Variants in TRPV4 observed in about 807,000 individuals in gnomAD.
TRPV4 encodes the protein OSM9-like transient receptor potential channel 4.
Under a neutral mutation model 84.1 loss-of-function variants are expected in TRPV4, and 58 were observed. The observed-to-expected ratio is 0.69, with a 90% CI of 0.56 to 0.86. The LOEUF (loss-of-function observed/expected upper bound fraction) is 0.86, where lower values mean the gene tolerates loss of function less well. TRPV4 is among the 40% of genes least tolerant of loss of function. The probability of loss-of-function intolerance (pLI) is 0.00; values close to 1 mark genes in which losing one functional copy is unlikely to be tolerated. For synonymous variants in TRPV4, 489 were observed against 500.9 expected (o/e 0.98, Z 0.32); for missense variants, 879 against 1,181.1 (o/e 0.74, Z 3.75).
intron 12 of TRPV4, 93 bp downstream of exon 12, chr12:109,792,266 GAACT>G: frequency 2.8e-6 from 1 of 352,396 alleles, no homozygotes; most frequent in Non-Finnish European, 4.9e-6. Flanking sequence ...AAAAAAAAAA[GAACT>G]CAGCAAGGCT....
chr12:109,830,932 C>T (rs770308742), intron 1 of TRPV4, among the ~76,000 whole-genome samples: 1 of 152,228 alleles, frequency 6.6e-6, no homozygotes, highest in Non-Finnish European at 1.5e-5. Flanking sequence ...CTCCTTCCAG[C>T]TGCCGCTCTC....
intron 3 of TRPV4, among the ~76,000 whole-genome samples, chr12:109,805,162 G>A (rs1346398391): frequency 6.6e-6 from 1 of 152,240 alleles, no homozygotes; most frequent in African/African-American, 2.4e-5. Flanking sequence ...GCACCTTGAG[G>A]GCAGGGTGAT....
chr12:109,799,226 C>T (rs1199808202), intron 5 of TRPV4, among the ~76,000 whole-genome samples: 1 of 151,262 alleles, frequency 6.6e-6, no homozygotes, highest in Non-Finnish European at 1.5e-5. Context: ...AATCTCGGCT[C>T]ATTGCAACCT....
chr12:109,809,704 C>T (rs1014993160), intron 2 of TRPV4, among the ~76,000 whole-genome samples: 1 of 152,144 alleles, frequency 6.6e-6, no homozygotes, highest in Non-Finnish European at 1.5e-5. Flanking sequence ...CATCCACTCA[C>T]CCACCCACTC....
At chr12:109,818,158 G>A (rs1891941581) in intron 1 of TRPV4, among the ~76,000 whole-genome samples, 1 of 152,098 alleles carries the variant, frequency 6.6e-6, no homozygotes, top group Admixed American at 6.5e-5. Flanking sequence ...GATGTCCTGG[G>A]TGCCAGGTGA....
At chr12:109,810,319 G>C (rs1160812675) in intron 2 of TRPV4, among the ~76,000 whole-genome samples, 1 of 152,214 alleles carries the variant, frequency 6.6e-6, no homozygotes, top group Non-Finnish European at 1.5e-5. Context: ...GGAAGATGGA[G>C]GCACAGGGTC....
intron 1 of TRPV4, among the ~76,000 whole-genome samples, chr12:109,831,630 T>C (rs1892411731): frequency 6.6e-6 from 1 of 152,212 alleles, no homozygotes; most frequent in African/African-American, 2.4e-5. Context: ...TGGCACCAGA[T>C]AAGGCAGGAG....
Position 109,786,841 on chromosome 12 carries a change from C to G in TRPV4, c.2209-4G>C. 6.2e-7 allele frequency: 1 copy of G among 1,613,540 alleles called. No individual in the cohort carries two copies. Among genetic ancestry groups the G allele is most frequent in the Non-Finnish European group, 8.5e-7 (1 of 1,179,842 alleles). ...TGTCCAGGATGGTGGTGGCCCACTG[C>G]GGGGAGGGAGGGTCAGGAGGGACAT... On this transcript the variant is annotated splice_region_variant and splice_polypyrimidine_tract_variant and intron_variant, in intron 13 of 15. Transcript: ENST00000261740. The surrounding 1 kb of genome is among the most constrained non-coding windows in gnomAD (Gnocchi z 4.5).
Position 109,803,044 on chromosome 12 carries a change from G to T in TRPV4, c.659C>A (p.Thr220Asn), listed in dbSNP as rs1354118473. The T allele has an allele frequency of 1.2e-6, 2 of 1,614,182 alleles. No individual in the cohort carries two copies. Among genetic ancestry groups the T allele is most frequent in the Admixed American group, 1.7e-5 (1 of 60,026 alleles). Reference protein sequence around the residue: ...IPVLLDIAERTGNMREFINSP... With the variant: ...IPVLLDIAERNGNMREFINSP... ...GTTAATGAACTCCCTCATGTTGCCG[G>T]TGCGCTCCGCGATGTCCAGCAGCAC... is the stretch of plus-strand genomic sequence containing the variant. Residue 220 changes from threonine to asparagine, a missense_variant, in exon 4 of 16, where the codon ACC becomes AAC. Transcript: ENST00000261740.
intron 1 of TRPV4, among the ~76,000 whole-genome samples, chr12:109,824,116 C>T (rs1375913254): frequency 6.6e-6 from 1 of 152,056 alleles, no homozygotes; most frequent in East Asian, 1.9e-4. Flanking sequence ...CAGGTGCCCA[C>T]CGCTGCGCCA....
intron 1 of TRPV4, among the ~76,000 whole-genome samples, chr12:109,823,143 G>A (rs1221946598): frequency 5.9e-5 from 9 of 152,166 alleles, no homozygotes; most frequent in Admixed American, 6.5e-5. Context: ...CTTGGCAGGC[G>A]GCAGCAGTAG....
In TRPV4 at chr12:109,794,196, C is replaced by T. The variant is rs1043742458; in HGVS notation, c.1491+133G>A. The stretch of plus-strand genomic sequence containing the variant: ...AGGGCCACCCGTGGATGCTGGAGGG[C>T]GCCTCCCCAACCTGTTCCTAAACCT... On this transcript the variant is annotated intron_variant, in intron 8 of 15. Coordinates refer to ENST00000261740, the MANE Select transcript of TRPV4 (RefSeq NM_021625.5). 1.6e-5 allele frequency: 20 copies of T among 1,262,224 alleles called. No individual in the cohort carries two copies. The East Asian group carries it at 1.7e-4, about 11-fold the overall frequency. The allele number at this position is 1,262,224 out of a possible 1,614,324, so 78.2% of individuals were successfully genotyped here.
chr12:109,813,481 G>A (rs974497957), intron 2 of TRPV4, among the ~76,000 whole-genome samples: 4 of 152,160 alleles, frequency 2.6e-5, no homozygotes, highest in Non-Finnish European at 4.4e-5. Context: ...ATGAGTGGGT[G>A]GAAGGGTGAA....
At position 109,803,062 on chromosome 12, in the gene TRPV4, A is replaced by G; in HGVS notation, c.641T>C (p.Leu214Pro). 6.2e-7 allele frequency: 1 copy of G among 1,614,208 alleles called. No homozygotes were observed. The highest frequency in any genetic ancestry group is 8.5e-7 in the Non-Finnish European group (1 of 1,180,030). ...GTTGCCGGTGCGCTCCGCGATGTCC[A>G]GCAGCACAGGGATGGTGTCGTTGCG... ...NGRNDTIPVL[L>P]DIAERTGNMR... The change falls in exon 4 of 16, where the codon CTG becomes CCG. Residue 214 changes from leucine to proline, a missense_variant. This residue lies in a region of TRPV4 where 521 missense variants were observed against 686.6 expected (regional missense o/e 0.76). Transcript: ENST00000261740.
At chr12:109,813,087 GA>G (rs1191306206) in intron 2 of TRPV4, among the ~76,000 whole-genome samples, 1 of 152,106 alleles carries the variant, frequency 6.6e-6, no homozygotes, top group East Asian at 1.9e-4. Flanking sequence ...ATTAATGGGG[GA>G]CAGATGAGTA....
intron 5 of TRPV4, among the ~76,000 whole-genome samples, chr12:109,800,317 C>T (rs1021186419): frequency 1.3e-5 from 2 of 152,066 alleles, no homozygotes; most frequent in East Asian, 3.9e-4. Context: ...TGCCCTCAAG[C>T]GATCCTCCTG....
At chr12:109,792,862 G>C (rs771308837) in intron 10 of TRPV4, 45 bp from the exon 11 acceptor site, 2 of 1,605,060 alleles carry the variant, frequency 1.2e-6, no homozygotes, top group East Asian at 4.5e-5. Context: ...GGGGAGAGGG[G>C]ACAATGAGGC....
chr12:109,791,209 C>T (rs36030055), intron 12 of TRPV4, among the ~76,000 whole-genome samples: 71 of 152,178 alleles, frequency 4.7e-4, no homozygotes, highest in Non-Finnish European at 6.6e-4. Flanking sequence ...ATAGTGAAAC[C>T]CCATCTCTAC....
chr12:109,822,490 C>T lies in TRPV4; in HGVS notation c.-31-7663G>A, dbSNP rs184553761. On this transcript the variant is annotated intron_variant, in intron 1 of 15. Coordinates refer to ENST00000261740, the MANE Select transcript of TRPV4 (RefSeq NM_021625.5). Reference sequence around the variant, plus strand: ...GAGAAAATCCCAGACCTGTCCACCCCCTCCCCACCTTCCAGGTAAGAAAAC... The same window carrying T: ...GAGAAAATCCCAGACCTGTCCACCCTCTCCCCACCTTCCAGGTAAGAAAAC... Among the ~76,000 whole-genome samples, 50 of 152,302 alleles carry T rather than the reference C, an allele frequency of 3.3e-4. No individual in the cohort carries two copies. In the East Asian group the frequency reaches 6.0e-3, roughly 18 times the overall value.
Sources: allele counts gnomAD v4.1 joint callset (sites outside exome capture counted in the v4.1 genomes callset), GRCh38; gene constraint gnomAD v4.1.1; regional missense constraint gnomAD v4.1.1; non-coding constraint Gnocchi (gnomAD v3.1); transcripts MANE v1.5; gene names NCBI Gene and HGNC (gene_info 2026-07-23, HGNC 2026-07-21).